Variants in SOX5 observed in about 807,000 individuals in gnomAD.
SOX5 encodes the protein SRY-box transcription factor 5.
SOX5 carries 9 observed loss-of-function variants against 92.0 expected under a neutral mutation model. The ratio of observed to expected loss-of-function variants is 0.10; its 90% CI spans 0.06 to 0.17. The LOEUF (loss-of-function observed/expected upper bound fraction) is 0.17. SOX5 is among the 10% of genes least tolerant of loss of function. The pLI is 1.00. For synonymous variants in SOX5, 344 were observed against 336.3 expected, an observed-to-expected ratio of 1.02 and a Z score of -0.25; for missense variants, 642 against 944.5, an observed-to-expected ratio of 0.68 and a Z score of 4.20.
At chr12:24,122,557 A>C in intron 4 of SOX5, among the ~76,000 whole-genome samples, 1 of 152,224 alleles carries the variant, frequency 6.6e-6, no homozygotes, top group East Asian at 1.9e-4. Context: ...ACATTTTGTC[A>C]AGAAGACAGA....
chr12:23,640,938 A>G (rs371928615), intron 7 of SOX5, 41 bp from the exon 8 acceptor site: 21 of 1,304,604 alleles, frequency 1.6e-5, no homozygotes, highest in Non-Finnish European at 2.2e-5. Flanking sequence ...CCTTTTATCT[A>G]CTCTCCACCT....
chr12:24,078,359 G>A (rs1033480126), intron 4 of SOX5, among the ~76,000 whole-genome samples: 2 of 152,022 alleles, frequency 1.3e-5, no homozygotes, highest in Admixed American at 1.3e-4. Flanking sequence ...TACGATGTTT[G>A]TTGTGGCTTT....
intron 2 of SOX5, among the ~76,000 whole-genome samples, chr12:23,882,267 C>T (rs915863344): frequency 6.6e-6 from 1 of 151,414 alleles, no homozygotes; most frequent in South Asian, 2.1e-4. Flanking sequence ...GCAATAAACA[C>T]GATAATAATA....
chr12:23,621,609 G>T (rs73091337), intron 8 of SOX5, among the ~76,000 whole-genome samples: 18 of 151,948 alleles, frequency 1.2e-4, no homozygotes, highest in South Asian at 4.1e-4. Flanking sequence ...AGGTGCAAAG[G>T]GGGGAAGAAA....
chr12:23,606,817 G>A (rs923774214), intron 8 of SOX5, among the ~76,000 whole-genome samples: 2 of 152,016 alleles, frequency 1.3e-5, no homozygotes, highest in African/African-American at 4.8e-5. Context: ...GAATTAAGGT[G>A]TATCTGAGTT....
At chr12:24,490,741 T>C (rs1465795479) in intron 1 of SOX5, among the ~76,000 whole-genome samples, 1 of 152,188 alleles carries the variant, frequency 6.6e-6, no homozygotes, top group Non-Finnish European at 1.5e-5. Flanking sequence ...TCCATATAAA[T>C]ATCCAAAACC....
intron 4 of SOX5, among the ~76,000 whole-genome samples, chr12:24,103,505 C>CCACCAT (rs1946329178): frequency 6.6e-6 from 1 of 152,112 alleles, no homozygotes; most frequent in South Asian, 2.1e-4. Flanking sequence ...CAGCCATATG[C>CCACCAT]CACCATGGCC....
chr12:23,990,301 C>T (rs1330451005), intron 4 of SOX5, among the ~76,000 whole-genome samples: 1 of 152,056 alleles, frequency 6.6e-6, no homozygotes, highest in Non-Finnish European at 1.5e-5. Flanking sequence ...CTCCATAAAC[C>T]CTTCAACAGC....
At chr12:24,206,205 T>C (rs1172805245) in intron 4 of SOX5, among the ~76,000 whole-genome samples, 3 of 152,254 alleles carry the variant, frequency 2.0e-5, no homozygotes, top group Non-Finnish European at 2.9e-5. Flanking sequence ...TTTGCCTTAC[T>C]GGTAGAAGAA....
intron 2 of SOX5, among the ~76,000 whole-genome samples, chr12:24,293,363 G>A (rs482146): frequency 0.82 from 125,420 of 152,198 alleles, 53,036 homozygotes; most frequent in Non-Finnish European, 0.92. Context: ...TTTCACCAAG[G>A]CTTTTTAATT....
At chr12:24,244,717 T>C (rs1253138763) in intron 3 of SOX5, among the ~76,000 whole-genome samples, 1 of 152,200 alleles carries the variant, frequency 6.6e-6, no homozygotes, top group Non-Finnish European at 1.5e-5. Context: ...TAATGTCTTT[T>C]CTTTTTCTCT....
intron 6 of SOX5, among the ~76,000 whole-genome samples, chr12:23,730,700 C>CTAAGCAAATAAATAAATTAAA (rs1332693118): frequency 2.0e-5 from 3 of 152,064 alleles, no homozygotes; most frequent in Non-Finnish European, 4.4e-5. Flanking sequence ...AGAACTGATC[C>CTAAGCAAATAAATAAATTAAA]TAAGCAATTA....
At position 23,989,725 on chromosome 12, in the gene SOX5, C is replaced by A. The variant is rs1426496716; in HGVS notation, c.-1-93701G>T. Among the ~76,000 whole-genome samples, 5 of 152,070 alleles carry A rather than the reference C, an allele frequency of 3.3e-5. No individual in the cohort carries two copies. The East Asian group carries it at 7.7e-4, about 24-fold the overall frequency. On this transcript the variant is annotated intron_variant, in intron 4 of 4. Transcript: ENST00000446891. ...ACTTGTTCTCAACAGTGTAAGGATA[C>A]AAGAAGCAGGCAGTCTGCAACACTT...
chr12:24,518,150 C>A (rs1949962428), intron 1 of SOX5, among the ~76,000 whole-genome samples: 2 of 151,860 alleles, frequency 1.3e-5, no homozygotes, highest in South Asian at 4.2e-4. Context: ...CTGACTGCAA[C>A]CTCCACCTCC....
chr12:24,439,183 C>T (rs1940026598), intron 1 of SOX5, among the ~76,000 whole-genome samples: 1 of 152,220 alleles, frequency 6.6e-6, no homozygotes, highest in Non-Finnish European at 1.5e-5. Flanking sequence ...TGATCATTAG[C>T]ATTTTCTAGC....
intron 2 of SOX5, among the ~76,000 whole-genome samples, chr12:24,327,145 C>A (rs1002549781): frequency 6.6e-6 from 1 of 152,100 alleles, no homozygotes; most frequent in Non-Finnish European, 1.5e-5. Flanking sequence ...GATGATTAAG[C>A]TAATCCTTTA....
At chr12:24,297,987 T>C (rs903370244) in intron 2 of SOX5, among the ~76,000 whole-genome samples, 3 of 152,192 alleles carry the variant, frequency 2.0e-5, no homozygotes, top group African/African-American at 7.2e-5. Flanking sequence ...CCACCCTCCC[T>C]ATGAATACGC....
chr12:24,182,647 A>G (rs914940615), intron 4 of SOX5, among the ~76,000 whole-genome samples: 1 of 151,994 alleles, frequency 6.6e-6, no homozygotes, highest in Non-Finnish European at 1.5e-5. Flanking sequence ...AGGATAGATT[A>G]CTCATATAAA....
At chr12:23,809,521 A>G (rs1322575594) in intron 3 of SOX5, among the ~76,000 whole-genome samples, 6 of 151,964 alleles carry the variant, frequency 3.9e-5, no homozygotes, top group Admixed American at 3.9e-4. Context: ...ACATTTTATT[A>G]AAGCTGGTTT....
Sources: gnomAD v4.1 joint callset for allele counts (sites outside exome capture counted in the v4.1 genomes callset) on GRCh38, gnomAD v4.1.1 for gene constraint, MANE v1.5 for transcripts, NCBI Gene and HGNC (gene_info 2026-07-23, HGNC 2026-07-21) for gene names.